RBM45: variants seen among roughly 807,000 people sequenced by gnomAD.
RBM45 encodes the protein RNA binding motif protein 45.
A neutral mutation model predicts 58.5 loss-of-function variants in RBM45; 39 were observed. That is an observed-to-expected ratio of 0.67 (90% CI 0.52 to 0.87). The LOEUF (loss-of-function observed/expected upper bound fraction) is 0.87. Among genes scored for constraint, RBM45 ranks in the 40% least tolerant of loss-of-function variants. The pLI, the probability that RBM45 is intolerant of heterozygous loss-of-function variation, is 0.00. For synonymous variants in RBM45, 193 were observed against 203.0 expected, an observed-to-expected ratio of 0.95 and a Z score of 0.42; for missense variants, 481 against 581.6, an observed-to-expected ratio of 0.83 and a Z score of 1.78.
chr2:178,133,321 T>C (rs1050723781), downstream of RBM45, among the ~76,000 whole-genome samples: 1 of 152,228 alleles, frequency 6.6e-6, no homozygotes, highest in African/African-American at 2.4e-5. Context: ...ACCTAATATT[T>C]TTATTTACAT....
rs761063470 is a variant in RBM45, at chr2:178,116,273, T to C, written c.312T>C (p.Ala104=). The C allele has an allele frequency of 6.3e-7, 1 of 1,594,144 alleles. No homozygotes were observed. The highest frequency in any genetic ancestry group is 1.8e-5 in the Admixed American group (1 of 54,934). ...TGTTTGTTTCTTAGGTTTTCATTGC[T>C]CAGTCCCGATCATCTGGAAGTCACC... The part of the protein sequence containing the change: ...NDTKPIKVFI[A]QSRSSGSHRD... Residue 104 remains alanine, a synonymous_variant, in exon 2 of 10, where the codon GCT becomes GCC. Transcript: ENST00000286070.
chr2:178,136,235 G>A (rs542913061), intron 3 of RBM45, among the ~76,000 whole-genome samples: 15 of 152,300 alleles, frequency 9.8e-5, no homozygotes, highest in Admixed American at 3.9e-4. Context: ...GTGTAAACCC[G>A]GGAGGCGGAA....
chr2:178,118,049 TC>T lies in RBM45; in HGVS notation c.424-5del, dbSNP rs994797693. The T allele has an allele frequency of 6.3e-6, 10 of 1,595,738 alleles. No homozygotes were observed. The highest frequency in any genetic ancestry group is 8.5e-6 in the Non-Finnish European group (10 of 1,170,526). ...CCCCTAAAATCATGTCTTTTAACTC[TC>T]TTAGGTGTATGGAGATATCGAGTAT... On this transcript the variant is annotated splice_region_variant and splice_polypyrimidine_tract_variant and intron_variant, in intron 2 of 9. Coordinates refer to ENST00000286070, the MANE Select transcript of RBM45 (RefSeq NM_152945.4).
Position 178,124,210 on chromosome 2 carries a change from T to C in RBM45, c.1152T>C (p.Ala384=). The C allele has an allele frequency of 6.2e-7, 1 of 1,611,044 alleles. No homozygotes were observed. Among genetic ancestry groups the C allele is most frequent in the Non-Finnish European group, 8.5e-7 (1 of 1,178,638 alleles). Residue 384 remains alanine (A), a synonymous_variant, in exon 8 of 10, where the codon GCT becomes GCC. Coordinates refer to ENST00000286070, the MANE Select transcript of RBM45 (RefSeq NM_152945.4). ...CATCATGCAAAAAAAAAGCTCCTGC[T>C]GAAACTCCTGTGAAAGAAAGACTTT... The part of the protein sequence containing the change: ...VLPSCKKKAP[A]ETPVKERLFI...
chr2:178,126,209 T>C, intron 9 of RBM45, 25 bp downstream of exon 9: 14 of 1,496,250 alleles, frequency 9.4e-6, no homozygotes, highest in Non-Finnish European at 1.3e-5. Context: ...ATCTGAATTT[T>C]AAAACATATT....
downstream of RBM45, among the ~76,000 whole-genome samples, chr2:178,130,919 T>C (rs191628759): frequency 1.5e-4 from 23 of 152,308 alleles, no homozygotes; most frequent in Admixed American, 5.2e-4. Context: ...TTGGGCCAGG[T>C]ATCTTTCTGT....
chr2:178,132,071 T>A (rs1404890346), downstream of RBM45, among the ~76,000 whole-genome samples: 1 of 152,162 alleles, frequency 6.6e-6, no homozygotes, highest in Non-Finnish European at 1.5e-5. Context: ...AAAATTTTTT[T>A]AAATAATAAG....
intron 1 of RBM45, 33 bp from the exon 2 acceptor site, chr2:178,116,229 T>G: frequency 6.5e-7 from 1 of 1,540,156 alleles, no homozygotes; most frequent in Non-Finnish European, 8.7e-7. Context: ...TAGTTGACAT[T>G]ATTTTATTTT....
intron 1 of RBM45, among the ~76,000 whole-genome samples, chr2:178,113,669 A>T (rs1485282684): frequency 6.6e-6 from 1 of 152,176 alleles, no homozygotes; most frequent in Non-Finnish European, 1.5e-5. Flanking sequence ...AGCCCTCAAT[A>T]ATGTCCTTGT....
intron 8 of RBM45, among the ~76,000 whole-genome samples, chr2:178,124,608 G>T (rs980506999): frequency 6.6e-6 from 1 of 152,132 alleles, no homozygotes; most frequent in African/African-American, 2.4e-5. Context: ...GAGCTCAGGA[G>T]TTCAAGACCA....
chr2:178,122,253 G>A (rs1336247127), intron 5 of RBM45, among the ~76,000 whole-genome samples: 1 of 152,006 alleles, frequency 6.6e-6, no homozygotes, highest in East Asian at 1.9e-4. Context: ...TTCTTTGTTA[G>A]TGAGGGGTGG....
intron 9 of RBM45, among the ~76,000 whole-genome samples, chr2:178,127,772 CTG>C (rs970606998): frequency 5.9e-5 from 9 of 152,002 alleles, no homozygotes; most frequent in African/African-American, 1.9e-4. Flanking sequence ...TTTTTCTAGT[CTG>C]TGAATATTTC....
chr2:178,123,596 C>A lies in RBM45; in HGVS notation c.928C>A (p.Pro310Thr), dbSNP rs199636679. 1 of 1,610,112 alleles carries A rather than the reference C, an allele frequency of 6.2e-7. No homozygotes were observed. The highest frequency in any genetic ancestry group is 1.3e-5 in the African/African-American group (1 of 74,634). The part of the protein sequence containing the change: ...AKYKLHGFQY[P>T]PGNRIGVSFI... Reference sequence around the variant, plus strand: ...ATACAAATTACATGGATTTCAGTACCCTCCTGGGAACCGAATAGGTGTTTC... The same window carrying A: ...ATACAAATTACATGGATTTCAGTACACTCCTGGGAACCGAATAGGTGTTTC... Residue 310 changes from proline (P) to threonine (T), a missense_variant, in exon 6 of 10, where the codon CCT (proline) becomes ACT (threonine). Coordinates refer to ENST00000286070, the MANE Select transcript of RBM45 (RefSeq NM_152945.4).
exon 4 of RBM45, chr2:178,137,428 A>G (rs1038781039): frequency 1.3e-5 from 2 of 152,204 alleles, no homozygotes; most frequent in African/African-American, 2.4e-5. Context: ...CACATACAAA[A>G]ACATTCTTGG....
intron 4 of RBM45, among the ~76,000 whole-genome samples, 163 bp downstream of exon 4, chr2:178,120,572 G>C (rs1345910757): frequency 6.6e-6 from 1 of 152,022 alleles, no homozygotes. Flanking sequence ...GACTCCTAAA[G>C]TTCTTAATAT....
Position 178,123,597 on chromosome 2 carries a change from C to T in RBM45, c.929C>T (p.Pro310Leu). The T allele has an allele frequency of 6.2e-7, 1 of 1,610,364 alleles. No individual in the cohort carries two copies. Among genetic ancestry groups the T allele is most frequent in the Admixed American group, 1.7e-5 (1 of 59,142 alleles). The change falls in exon 6 of 10, where the codon CCT becomes CTT. Residue 310 changes from proline to leucine, a missense_variant. Physicochemically the swap from Pro to Leu is moderately conservative, Grantham distance 98 (BLOSUM62 -3). Transcript: ENST00000286070. ...TACAAATTACATGGATTTCAGTACCCTCCTGGGAACCGAATAGGTGTTTCC... is the reference window on the plus strand; with the variant it reads ...TACAAATTACATGGATTTCAGTACCTTCCTGGGAACCGAATAGGTGTTTCC... Reference protein sequence around the residue: ...AKYKLHGFQYPPGNRIGVSFI... With the variant: ...AKYKLHGFQYLPGNRIGVSFI...
Position 178,122,665 on chromosome 2 carries a change from T to C in RBM45, c.854-857T>C, listed in dbSNP as rs968302244. Reference sequence around the variant, plus strand: ...TCCTGTACCTCCTGTTTTGTTTCTCTGGTTGGATGTGTCTGAAATATATGT... The same window carrying C: ...TCCTGTACCTCCTGTTTTGTTTCTCCGGTTGGATGTGTCTGAAATATATGT... On this transcript the variant is annotated intron_variant, in intron 5 of 9. Coordinates refer to ENST00000286070, the MANE Select transcript of RBM45 (RefSeq NM_152945.4). 1.4e-4 allele frequency among the ~76,000 whole-genome samples: 22 copies of C among 152,184 alleles called. 1 individual carries two copies. The highest frequency in any genetic ancestry group is 1.4e-3 in the Admixed American group (22 of 15,274).
At position 178,123,952 on chromosome 2, in the gene RBM45, G is replaced by A. The variant is rs373239334; in HGVS notation, c.1068+40G>A. ...ATTTAACCTTTATAATATATCAATA[G>A]CATATAAAATAAATGTGAAGAGAAA... On this transcript the variant is annotated intron_variant, in intron 7 of 9. Coordinates refer to ENST00000286070, the MANE Select transcript of RBM45 (RefSeq NM_152945.4). The A allele has an allele frequency of 1.8e-4, 271 of 1,543,438 alleles. No homozygotes were observed. In the African/African-American group the frequency reaches 3.6e-3, roughly 20 times the overall value.
intron 3 of RBM45, among the ~76,000 whole-genome samples, chr2:178,135,836 C>T (rs927772229): frequency 6.6e-6 from 1 of 152,136 alleles, no homozygotes; most frequent in African/African-American, 2.4e-5. Flanking sequence ...CAGGATTCTA[C>T]AGAAACATCC....
Sources: allele counts gnomAD v4.1 joint callset (sites outside exome capture counted in the v4.1 genomes callset), GRCh38; gene constraint gnomAD v4.1.1; transcripts MANE v1.5; gene names NCBI Gene and HGNC (gene_info 2026-07-23, HGNC 2026-07-21).